Variants in TMEM117 observed in about 807,000 individuals in gnomAD.
TMEM117 encodes transmembrane protein 117.
TMEM117 carries 27 observed loss-of-function variants against 52.4 expected under a neutral mutation model. The ratio of observed to expected loss-of-function variants is 0.51; its 90% CI spans 0.38 to 0.71. The LOEUF is 0.71. TMEM117 is among the 30% of genes least tolerant of loss of function. The probability of loss-of-function intolerance (pLI) is 0.00; values close to 1 mark genes in which losing one functional copy is unlikely to be tolerated. For missense variants in TMEM117, 556 were observed against 630.5 expected (o/e 0.88, Z 1.26); for synonymous variants, 215 against 206.3 (o/e 1.04, Z -0.36).
intron 5 of TMEM117, among the ~76,000 whole-genome samples, chr12:44,291,273 T>C (rs1041419578): frequency 4.3e-5 from 6 of 138,404 alleles, no homozygotes; most frequent in African/African-American, 1.9e-4. Flanking sequence ...GTTTTGATTC[T>C]TTTTAGATGG....
intron 4 of TMEM117, among the ~76,000 whole-genome samples, chr12:44,152,586 ATATT>A (rs1015499326): frequency 3.3e-5 from 4 of 122,278 alleles, no homozygotes; most frequent in Admixed American, 1.8e-4. Context: ...TATATATATA[ATATT>A]TATATCATAT....
chr12:44,203,040 C>T (rs761798178), intron 4 of TMEM117, among the ~76,000 whole-genome samples: 1 of 152,038 alleles, frequency 6.6e-6, no homozygotes, highest in Non-Finnish European at 1.5e-5. Context: ...GGTGATCTGA[C>T]CATCTTGGCC....
intron 4 of TMEM117, among the ~76,000 whole-genome samples, chr12:44,179,672 A>T (rs761916463): frequency 6.6e-6 from 1 of 152,156 alleles, no homozygotes; most frequent in Admixed American, 6.5e-5. Context: ...TCAAAAGCCA[A>T]TCTCACCTGG....
intron 3 of TMEM117, among the ~76,000 whole-genome samples, chr12:43,951,661 G>A (rs902928298): frequency 4.6e-5 from 7 of 152,178 alleles, no homozygotes; most frequent in Non-Finnish European, 8.8e-5. Context: ...CAGAGCACCT[G>A]TGGGGAGGGG....
In TMEM117 at chr12:43,873,310, ATTATTTTAAAAG is replaced by A. The variant is rs1275702682; in HGVS notation, c.277+28386_277+28397del. ...AACTTAAGTGTTGTGCAGCACAGAG[ATTATTTTAAAAG>A]TTAAGTATTTGAGAATCCACTTTAA... is the stretch of plus-strand genomic sequence containing the variant. On this transcript the variant is annotated intron_variant, in intron 2 of 7. Coordinates refer to ENST00000266534, the MANE Select transcript of TMEM117 (RefSeq NM_032256.3). Among the ~76,000 whole-genome samples, 3 of 152,104 alleles carry A rather than the reference ATTATTTTAAAAG, an allele frequency of 2.0e-5. No individual in the cohort carries two copies. In the East Asian group the frequency reaches 5.8e-4, roughly 29 times the overall value.
intron 3 of TMEM117, among the ~76,000 whole-genome samples, chr12:44,097,971 G>C (rs962647261): frequency 1.3e-5 from 2 of 151,940 alleles, no homozygotes; most frequent in Admixed American, 1.3e-4. Flanking sequence ...TTTGAAATAG[G>C]AATATAGGAT....
chr12:44,350,040 T>C (rs1050976335), intron 6 of TMEM117, among the ~76,000 whole-genome samples: 2 of 152,028 alleles, frequency 1.3e-5, no homozygotes, highest in African/African-American at 4.8e-5. Context: ...ATGTTTTCAA[T>C]GGATTCTGTT....
intron 2 of TMEM117, among the ~76,000 whole-genome samples, chr12:43,869,659 G>T (rs1470721926): frequency 4.6e-5 from 7 of 152,216 alleles, no homozygotes; most frequent in African/African-American, 1.7e-4. Flanking sequence ...AGGCTAAACT[G>T]TAATGCTTTC....
intron 1 of TMEM117, among the ~76,000 whole-genome samples, chr12:43,840,526 CG>C (rs1565713733): frequency 6.6e-6 from 1 of 152,158 alleles, no homozygotes; most frequent in African/African-American, 2.4e-5. Flanking sequence ...TTTGCCTTAG[CG>C]GAAGTTGAAT....
intron 6 of TMEM117, among the ~76,000 whole-genome samples, chr12:44,332,825 A>T (rs1951290559): frequency 6.6e-6 from 1 of 151,954 alleles, no homozygotes; most frequent in Non-Finnish European, 1.5e-5. Context: ...AGCATTTCCC[A>T]GCATTTTCAT....
intron 2 of TMEM117, among the ~76,000 whole-genome samples, chr12:43,869,717 A>G (rs1036300347): frequency 6.6e-6 from 1 of 152,114 alleles, no homozygotes; most frequent in Non-Finnish European, 1.5e-5. Context: ...GGCTCATGCT[A>G]TTTCCTTGGA....
intron 6 of TMEM117, among the ~76,000 whole-genome samples, chr12:44,366,528 C>G (rs1268562823): frequency 1.3e-5 from 2 of 151,962 alleles, no homozygotes; most frequent in African/African-American, 4.8e-5. Flanking sequence ...TCTTGTTTTC[C>G]TAGTCTTTCC....
At chr12:44,314,567 C>CTTT (rs755148669) in intron 6 of TMEM117, among the ~76,000 whole-genome samples, 3 of 130,598 alleles carry the variant, frequency 2.3e-5, no homozygotes, top group Non-Finnish European at 1.7e-5. Flanking sequence ...GTTTCTTCTT[C>CTTT]TTTTTTTTTT....
At chr12:43,805,586 T>G in the TMEM117 span, 1 of 468,374 alleles carries the variant, frequency 2.1e-6, no homozygotes, top group South Asian at 1.5e-5. Flanking sequence ...CATATTGAAC[T>G]GTCTGCACGC....
the TMEM117 span, chr12:43,805,945 C>T: frequency 2.0e-6 from 3 of 1,536,290 alleles, no homozygotes; most frequent in South Asian, 3.3e-5. Flanking sequence ...GGCACGCCCC[C>T]TTCAACCAGG....
intron 2 of TMEM117, among the ~76,000 whole-genome samples, chr12:43,865,319 A>G (rs1020735026): frequency 6.6e-6 from 1 of 152,180 alleles, no homozygotes; most frequent in Non-Finnish European, 1.5e-5. Flanking sequence ...TAACTTGGGC[A>G]TTGAAACCCC....
At chr12:44,323,111 CTG>C (rs1260098327) in intron 6 of TMEM117, among the ~76,000 whole-genome samples, 3 of 152,284 alleles carry the variant, frequency 2.0e-5, no homozygotes, top group East Asian at 3.9e-4. Flanking sequence ...AAGCCAGAGA[CTG>C]TAGGTGACCT....
At chr12:44,361,659 C>T (rs1951722714) in intron 6 of TMEM117, among the ~76,000 whole-genome samples, 1 of 152,096 alleles carries the variant, frequency 6.6e-6, no homozygotes, top group South Asian at 2.1e-4. Flanking sequence ...AAGAAGTGTA[C>T]CTTCAAGGAG....
intron 3 of TMEM117, among the ~76,000 whole-genome samples, chr12:44,079,153 G>A (rs1238720460): frequency 6.6e-6 from 1 of 151,998 alleles, no homozygotes; most frequent in African/African-American, 2.4e-5. Context: ...TTGCTATTGT[G>A]AATAGTGCTG....
Sources: allele counts gnomAD v4.1 joint callset (sites outside exome capture counted in the v4.1 genomes callset), GRCh38; gene constraint gnomAD v4.1.1; transcripts MANE v1.5; gene names NCBI Gene and HGNC (gene_info 2026-07-23, HGNC 2026-07-21).